LUZP2: variants seen among roughly 807,000 people sequenced by gnomAD.
The protein encoded by LUZP2 is leucine zipper protein 2.
A neutral mutation model predicts 51.6 loss-of-function variants in LUZP2; 52 were observed. The observed-to-expected ratio is 1.01, with a 90% CI of 0.81 to 1.27. LUZP2 has a LOEUF of 1.27. LUZP2 is among the 50% of genes most tolerant of loss of function. The pLI, the probability that LUZP2 is intolerant of heterozygous loss-of-function variation, is 0.00. For synonymous variants in LUZP2, 154 were observed against 137.3 expected, an observed-to-expected ratio of 1.12 and a Z score of -0.85; for missense variants, 436 against 395.4, an observed-to-expected ratio of 1.10 and a Z score of -0.87.
chr11:24,684,132 A>C (rs1856827582), intron 1 of LUZP2, among the ~76,000 whole-genome samples: 1 of 152,130 alleles, frequency 6.6e-6, no homozygotes, highest in South Asian at 2.1e-4. Flanking sequence ...TGTTTTCAAT[A>C]GCCTTCTAAT....
intron 1 of LUZP2, among the ~76,000 whole-genome samples, chr11:24,556,997 T>G (rs536410940): frequency 6.6e-6 from 1 of 152,274 alleles, no homozygotes; most frequent in African/African-American, 2.4e-5. Context: ...CACTCTACCA[T>G]TATTAATTAA....
chr11:24,516,093 T>A (rs1850453906), intron 1 of LUZP2, among the ~76,000 whole-genome samples: 1 of 151,200 alleles, frequency 6.6e-6, no homozygotes, highest in Non-Finnish European at 1.5e-5. Context: ...TGTTGAAAAT[T>A]TCTTATAGTA....
chr11:24,892,489 A>G (rs1852889769), intron 5 of LUZP2: 10 of 701,648 alleles, frequency 1.4e-5, no homozygotes, highest in African/African-American at 1.9e-5. Context: ...TTAATAGCCT[A>G]TTTCTCTTCA....
Position 24,863,717 on chromosome 11 carries a change from A to G in LUZP2, c.397-42274A>G, listed in dbSNP as rs547650357. ...TTAAACTTCATATTATATAAATTGC[A>G]TCTAAATAAAGCTGTTATAAAAACA... On this transcript the variant is annotated intron_variant, in intron 5 of 11. Transcript: ENST00000336930. Among the ~76,000 whole-genome samples the G allele has an allele frequency of 1.1e-4, 17 of 152,282 alleles. No homozygotes were observed. In the South Asian group the frequency reaches 3.5e-3, roughly 32 times the overall value.
intron 7 of LUZP2, among the ~76,000 whole-genome samples, chr11:24,952,195 C>CATATGTT (rs1372153586): frequency 3.3e-5 from 5 of 151,536 alleles, no homozygotes; most frequent in African/African-American, 1.2e-4. Context: ...TTGTTATCAT[C>CATATGTT]GCCATCGTTA....
chr11:24,555,473 T>A (rs1039132118), intron 1 of LUZP2, among the ~76,000 whole-genome samples: 2 of 152,132 alleles, frequency 1.3e-5, no homozygotes, highest in African/African-American at 4.8e-5. Context: ...ATACGCTGTG[T>A]TCACATTGCA....
intron 10 of LUZP2, among the ~76,000 whole-genome samples, chr11:25,076,559 G>T (rs1456599266): frequency 2.0e-5 from 3 of 150,182 alleles, no homozygotes; most frequent in Non-Finnish European, 4.4e-5. Context: ...GAGGAGGGAA[G>T]GAGGGAAGGA....
At chr11:24,610,884 G>A (rs1293835815) in intron 1 of LUZP2, among the ~76,000 whole-genome samples, 1 of 152,158 alleles carries the variant, frequency 6.6e-6, no homozygotes, top group Non-Finnish European at 1.5e-5. Flanking sequence ...GGCGAAGGTT[G>A]CAGTGAGTCA....
chr11:24,768,071 A>G (rs1256303421), intron 5 of LUZP2, among the ~76,000 whole-genome samples: 1 of 152,146 alleles, frequency 6.6e-6, no homozygotes, highest in Non-Finnish European at 1.5e-5. Context: ...GTAGGATAAT[A>G]TATAAGTCTA....
In LUZP2 at chr11:24,949,308, C is replaced by T. The variant is rs1038225912; in HGVS notation, c.523-27283C>T. On this transcript the variant is annotated intron_variant, in intron 7 of 11. Transcript: ENST00000336930. ...CTAGATTATCTATCTATCTATCTATCTATCTATCTATCTATCTATCTATCT... is the reference window on the plus strand; with the variant it reads ...CTAGATTATCTATCTATCTATCTATTTATCTATCTATCTATCTATCTATCT... Among the ~76,000 whole-genome samples the T allele has an allele frequency of 1.4e-4, 16 of 112,048 alleles. No homozygotes were observed. The East Asian group carries it at 3.2e-3, about 22-fold the overall frequency. 73.5% of individuals were successfully genotyped at this position (112,048 alleles called of 152,430 possible). A position where few individuals can be genotyped will look rare whatever the true frequency, so the allele number is the denominator to read the frequency against.
At chr11:24,859,790 A>G (rs1851681120) in intron 5 of LUZP2, among the ~76,000 whole-genome samples, 1 of 152,202 alleles carries the variant, frequency 6.6e-6, no homozygotes, top group Non-Finnish European at 1.5e-5. Context: ...GAGTGAGCCC[A>G]CTATCCAGCA....
chr11:24,526,848 T>C (rs1273463784), intron 1 of LUZP2, among the ~76,000 whole-genome samples: 1 of 151,280 alleles, frequency 6.6e-6, no homozygotes, highest in Non-Finnish European at 1.5e-5. Flanking sequence ...CTCTGTCCCA[T>C]TGTTCTCAGC....
chr11:24,850,245 T>C (rs1294706571), intron 5 of LUZP2, among the ~76,000 whole-genome samples: 2 of 152,250 alleles, frequency 1.3e-5, no homozygotes, highest in Non-Finnish European at 2.9e-5. Flanking sequence ...CGTAGGAGTT[T>C]TATGGTTTTA....
chr11:24,866,675 C>A (rs1851907835), intron 5 of LUZP2, among the ~76,000 whole-genome samples: 1 of 152,188 alleles, frequency 6.6e-6, no homozygotes, highest in Admixed American at 6.5e-5. Flanking sequence ...ACATATATAG[C>A]AGATTTGTCT....
intron 5 of LUZP2, among the ~76,000 whole-genome samples, chr11:24,849,787 G>A: frequency 6.6e-6 from 1 of 152,108 alleles, no homozygotes; most frequent in East Asian, 1.9e-4. Flanking sequence ...TCCAGCATTT[G>A]TTGTTTCCTG....
intron 4 of LUZP2, among the ~76,000 whole-genome samples, chr11:24,756,537 C>G (rs1055939201): frequency 2.0e-5 from 3 of 152,282 alleles, no homozygotes; most frequent in Middle Eastern, 3.4e-3. Flanking sequence ...TTCTTCACCC[C>G]CTGCTCTTTT....
intron 5 of LUZP2, among the ~76,000 whole-genome samples, chr11:24,886,604 A>G (rs1852673446): frequency 6.6e-6 from 1 of 152,220 alleles, no homozygotes; most frequent in Non-Finnish European, 1.5e-5. Context: ...TATCAATTTT[A>G]AAATGCATTA....
chr11:24,582,292 C>T (rs1436838494), intron 1 of LUZP2, among the ~76,000 whole-genome samples: 1 of 145,064 alleles, frequency 6.9e-6, no homozygotes, highest in Non-Finnish European at 1.5e-5. Context: ...TCTGTAATCC[C>T]TAGCTGATTT....
chr11:24,986,625 C>A (rs1411668142), intron 9 of LUZP2, among the ~76,000 whole-genome samples: 1 of 150,708 alleles, frequency 6.6e-6, no homozygotes, highest in African/African-American at 2.4e-5. Context: ...AAGTGACTAA[C>A]ATTTTTTCTA....
Sources: gnomAD v4.1 joint callset for allele counts (sites outside exome capture counted in the v4.1 genomes callset) on GRCh38, gnomAD v4.1.1 for gene constraint, MANE v1.5 for transcripts, NCBI Gene and HGNC (gene_info 2026-07-23, HGNC 2026-07-21) for gene names.